Variants in WDR27 observed in about 807,000 individuals in gnomAD.
WDR27 encodes the protein WD repeat-containing protein 27.
In WDR27, 100 loss-of-function variants were observed where a neutral mutation model predicts 114.4. The ratio of observed to expected loss-of-function variants is 0.87; its 90% CI spans 0.74 to 1.03. WDR27 has a LOEUF of 1.03. Among genes scored for constraint, WDR27 ranks in the 50% least tolerant of loss-of-function variants. The pLI is 0.00. For missense variants in WDR27, 1,129 were observed against 1,092.9 expected, an observed-to-expected ratio of 1.03 and a Z score of -0.47; for synonymous variants, 449 against 423.1, an observed-to-expected ratio of 1.06 and a Z score of -0.75.
chr6:169,656,513 G>C (rs971976277), intron 13 of WDR27, among the ~76,000 whole-genome samples: 1 of 152,214 alleles, frequency 6.6e-6, no homozygotes, highest in East Asian at 1.9e-4. Context: ...CAGGCGGGGT[G>C]GGGGGAAAGC....
chr6:169,535,190 C>A (rs1282634040), intron 25 of WDR27, among the ~76,000 whole-genome samples: 6 of 152,146 alleles, frequency 3.9e-5, no homozygotes, highest in Admixed American at 3.9e-4. Flanking sequence ...TAGGGCCCAT[C>A]TGGTATGAAG....
the WDR27 span, among the ~76,000 whole-genome samples, chr6:169,433,857 GT>G: frequency 6.6e-6 from 1 of 152,132 alleles, no homozygotes; most frequent in African/African-American, 2.4e-5. Flanking sequence ...ATGAGCTTTT[GT>G]TCATATGTTT....
rs952483627 is a variant in WDR27, at chr6:169,674,994, G to A, written c.190-2598C>T. ...AGGAGAAGGAATTTCACAAGACAAT[G>A]TCATCAGTTAAGGCGGGAACAGGCC... is the stretch of plus-strand genomic sequence containing the variant. On this transcript the variant is annotated intron_variant, in intron 2 of 25. Coordinates refer to ENST00000448612, the MANE Select transcript of WDR27 (RefSeq NM_182552.5). Among the ~76,000 whole-genome samples, 4 of 152,284 alleles carry A rather than the reference G, an allele frequency of 2.6e-5. No homozygotes were observed. In the East Asian group the frequency reaches 7.7e-4, roughly 29 times the overall value.
At chr6:169,606,277 C>A (rs1297959786) in intron 22 of WDR27, among the ~76,000 whole-genome samples, 1 of 151,990 alleles carries the variant, frequency 6.6e-6, no homozygotes, top group African/African-American at 2.4e-5. Flanking sequence ...CAAATAAATC[C>A]ATTAAAAAGT....
rs1334055320 is a variant in WDR27, at chr6:169,551,236, A to G, written c.2645+21183T>C. On this transcript the variant is annotated intron_variant, in intron 25 of 25. Coordinates refer to ENST00000448612, the MANE Select transcript of WDR27 (RefSeq NM_182552.5). ...TACAGTAAACAAACTGATTTCTACC[A>G]CCCCTACAGCTAATGAACTGGGACT... is the stretch of plus-strand genomic sequence containing the variant. Among the ~76,000 whole-genome samples, 7 of 151,982 alleles carry G rather than the reference A, an allele frequency of 4.6e-5. No individual in the cohort carries two copies. The South Asian group carries it at 1.0e-3, about 23-fold the overall frequency.
At chr6:169,446,195 G>A in the WDR27 span, among the ~76,000 whole-genome samples, 1 of 152,232 alleles carries the variant, frequency 6.6e-6, no homozygotes, top group Admixed American at 6.5e-5. Flanking sequence ...ACGAGCTGGG[G>A]GAGCGGGAAA....
intron 1 of WDR27, among the ~76,000 whole-genome samples, chr6:169,699,225 G>C (rs1787147462): frequency 6.6e-6 from 1 of 152,180 alleles, no homozygotes; most frequent in South Asian, 2.1e-4. Context: ...AGTACGAAGA[G>C]CAGGGGCTGC....
At position 169,639,129 on chromosome 6, in the gene WDR27, C is replaced by T. The variant is rs1295890930; in HGVS notation, c.1748-469G>A. ...AGCGTGTACCATGTGGTGCTCGGTACTGTGTGGTGCTGGGTACTGTGTGGG... is the reference window on the plus strand; with the variant it reads ...AGCGTGTACCATGTGGTGCTCGGTATTGTGTGGTGCTGGGTACTGTGTGGG... On this transcript the variant is annotated intron_variant, in intron 17 of 25. Coordinates refer to ENST00000448612, the MANE Select transcript of WDR27 (RefSeq NM_182552.5). Among the ~76,000 whole-genome samples, 3 of 130,462 alleles carry T rather than the reference C, an allele frequency of 2.3e-5. No homozygotes were observed. The East Asian group carries it at 6.7e-4, about 29-fold the overall frequency. The allele number at this position is 130,462 out of a possible 152,430, so 85.6% of individuals were successfully genotyped here.
At position 169,651,911 on chromosome 6, in the gene WDR27, T is replaced by A; in HGVS notation, c.1481+19A>T. ...GACGCAGGTGCATTTCTGTCTCTCA[T>A]TGACATGAGTTCACTCACTGTGGTG... On this transcript the variant is annotated intron_variant, in intron 14 of 25. Coordinates refer to ENST00000448612, the MANE Select transcript of WDR27 (RefSeq NM_182552.5). The A allele has an allele frequency of 6.2e-7, 1 of 1,608,404 alleles. No individual in the cohort carries two copies. Among genetic ancestry groups the A allele is most frequent in the Non-Finnish European group, 8.5e-7 (1 of 1,177,440 alleles).
In WDR27 at chr6:169,581,323, C is replaced by T. The variant is rs993309987; in HGVS notation, c.2523+1513G>A. 5.3e-5 allele frequency among the ~76,000 whole-genome samples: 8 copies of T among 152,160 alleles called. No individual in the cohort carries two copies. In the South Asian group the frequency reaches 1.2e-3, roughly 24 times the overall value. On this transcript the variant is annotated intron_variant, in intron 24 of 25. Transcript: ENST00000448612. ...CCCCATAAATCACTACACCTCTCCCCACCGCCCACCCTGCTGGGTCTAGCT... is the reference window on the plus strand; with the variant it reads ...CCCCATAAATCACTACACCTCTCCCTACCGCCCACCCTGCTGGGTCTAGCT...
Position 169,672,280 on chromosome 6 carries a change from A to G in WDR27, c.306T>C (p.Asp102=). ...SLDYVIMWNL[D]ECREKVLQGL... is the part of the protein sequence containing the mutation. ...CTTGAAGTACTTTCTCTCTACATTC[A>G]TCCAGGTTCCACATTATAACATAAT... The change falls in exon 3 of 26, where the codon GAT becomes GAC. Residue 102 remains aspartate (D), a synonymous_variant. Transcript: ENST00000448612. The G allele has an allele frequency of 1.2e-6, 2 of 1,613,110 alleles. No individual in the cohort carries two copies. Among genetic ancestry groups the G allele is most frequent in the Non-Finnish European group, 1.7e-6 (2 of 1,179,630 alleles).
At position 169,534,178 on chromosome 6, in the gene WDR27, G is replaced by A. The variant is rs148639628; in HGVS notation, c.2645+38241C>T. Among the ~76,000 whole-genome samples the A allele has an allele frequency of 6.0e-3, 916 of 152,302 alleles. 9 individuals are homozygous for A. The highest frequency in any genetic ancestry group is 0.021 in the African/African-American group (856 of 41,570). ...TTGTGTGGTTTTGTTTTGCTGATGT[G>A]ATGCATTACATGTGCTAATTTGCAT... On this transcript the variant is annotated intron_variant, in intron 25 of 25. Coordinates refer to ENST00000448612, the MANE Select transcript of WDR27 (RefSeq NM_182552.5).
At chr6:169,553,978 G>T (rs548223499) in intron 25 of WDR27, among the ~76,000 whole-genome samples, 33 of 152,256 alleles carry the variant, frequency 2.2e-4, no homozygotes, top group South Asian at 4.1e-4. Context: ...GCAGATTTTT[G>T]ATCTTTAAAA....
rs575354945 is a variant in WDR27, at chr6:169,573,904, A to C, written c.2524-1364T>G. Among the ~76,000 whole-genome samples the C allele has an allele frequency of 2.0e-4, 31 of 152,290 alleles. No homozygotes were observed. In the South Asian group the frequency reaches 6.2e-3, roughly 31 times the overall value. On this transcript the variant is annotated intron_variant, in intron 24 of 25. Coordinates refer to ENST00000448612, the MANE Select transcript of WDR27 (RefSeq NM_182552.5). Reference sequence around the variant, plus strand: ...TGGTTTGAGATACTTCTGCCTTGCTAGTTTTTTGCTGGAAATAAGTCTTGC... The same window carrying C: ...TGGTTTGAGATACTTCTGCCTTGCTCGTTTTTTGCTGGAAATAAGTCTTGC...
chr6:169,600,641 C>T lies in WDR27; in HGVS notation c.2424+1578G>A, dbSNP rs574959744. Among the ~76,000 whole-genome samples, 17 of 152,248 alleles carry T rather than the reference C, an allele frequency of 1.1e-4. No homozygotes were observed. The South Asian group carries it at 2.1e-3, about 19-fold the overall frequency. ...TAAAGGACCTAATGGAGCTGAAAAC[C>T]ACGGCACGAGAACTACGTGACGAAT... is the stretch of plus-strand genomic sequence containing the variant. On this transcript the variant is annotated intron_variant, in intron 23 of 25. Transcript: ENST00000448612.
intron 24 of WDR27, among the ~76,000 whole-genome samples, chr6:169,573,785 C>T (rs546587498): frequency 3.1e-4 from 47 of 152,326 alleles, no homozygotes; most frequent in Non-Finnish European, 5.6e-4. Context: ...TTCCTGAACT[C>T]CCTGTGTGAA....
intron 23 of WDR27, among the ~76,000 whole-genome samples, chr6:169,597,440 T>C (rs1807029311): frequency 6.6e-6 from 1 of 152,154 alleles, no homozygotes. Context: ...AAAATTACAT[T>C]ATTGTACTCC....
rs539466656 is a variant in WDR27, at chr6:169,633,472, G to T, written c.2102-404C>A. Reference sequence around the variant, plus strand: ...GATTAGACAGATCCACAGAATGGGTGACAGCACCTGGGGCAGGCTTCACGA... The same window carrying T: ...GATTAGACAGATCCACAGAATGGGTTACAGCACCTGGGGCAGGCTTCACGA... On this transcript the variant is annotated intron_variant, in intron 20 of 25. Coordinates refer to ENST00000448612, the MANE Select transcript of WDR27 (RefSeq NM_182552.5). Among the ~76,000 whole-genome samples the T allele has an allele frequency of 8.5e-4, 130 of 152,354 alleles. 3 individuals carry two copies. In the South Asian group the frequency reaches 0.025, roughly 30 times the overall value.
At chr6:169,426,426 C>G in the WDR27 span, 1 of 152,196 alleles carries the variant, frequency 6.6e-6, no homozygotes, top group Non-Finnish European at 1.5e-5. Context: ...GGAGTTTTGA[C>G]AAGCCCCTTA....
Sources: allele counts gnomAD v4.1 joint callset (sites outside exome capture counted in the v4.1 genomes callset), GRCh38; gene constraint gnomAD v4.1.1; transcripts MANE v1.5; gene names NCBI Gene and HGNC (gene_info 2026-07-23, HGNC 2026-07-21).